NEK4: variants seen among roughly 807,000 people sequenced by gnomAD.
NEK4 encodes the protein serine/threonine-protein kinase Nek4.
A neutral mutation model predicts 98.4 loss-of-function variants in NEK4; 86 were observed. The observed-to-expected ratio is 0.87, with a 90% CI of 0.73 to 1.05. The LOEUF (loss-of-function observed/expected upper bound fraction) is 1.05. Among genes scored for constraint, NEK4 ranks in the 50% least tolerant of loss-of-function variants. The probability of loss-of-function intolerance (pLI) is 0.00; values close to 1 mark genes in which losing one functional copy is unlikely to be tolerated. For synonymous variants in NEK4, 328 were observed against 342.2 expected (o/e 0.96, Z 0.46); for missense variants, 898 against 950.3 (o/e 0.94, Z 0.72).
Position 52,766,170 on chromosome 3 carries a change from A to G in NEK4, c.558+8T>C. 6.2e-7 allele frequency: 1 copy of G among 1,613,084 alleles called. No individual in the cohort carries two copies. Among genetic ancestry groups the G allele is most frequent in the South Asian group, 1.1e-5 (1 of 90,978 alleles). On this transcript the variant is annotated splice_region_variant and intron_variant, in intron 3 of 15. Coordinates refer to ENST00000233027, the MANE Select transcript of NEK4 (RefSeq NM_003157.6). The stretch of plus-strand genomic sequence containing the variant: ...CAAGGTAAGCCAGCATACAGAGCCC[A>G]ATCCTACCTTATAGTTGTAGGGTTT...
rs554219709 is a variant in NEK4, at chr3:52,733,608, A to C, written c.2433+3978T>G. On this transcript the variant is annotated intron_variant, in intron 15 of 15. Transcript: ENST00000233027. ...TAGTACAGAGAAGCCTTACAAATGT[A>C]ACAAACGTTGAAAGCATTTAGCAAG... 3.1e-5 allele frequency: 16 copies of C among 508,700 alleles called. No individual in the cohort carries two copies. The East Asian group carries it at 3.9e-4, about 12-fold the overall frequency. 31.5% of individuals were successfully genotyped at this position (508,700 alleles called of 1,614,324 possible). A position where few individuals can be genotyped will look rare whatever the true frequency, so the allele number is the denominator to read the frequency against.
chr3:52,745,920 A>G (rs953145384), intron 10 of NEK4, 141 bp downstream of exon 10: 8 of 732,964 alleles, frequency 1.1e-5, no homozygotes, highest in Admixed American at 2.4e-5. Context: ...ACAAGGTCTC[A>G]CTATATTGCC....
intron 6 of NEK4, among the ~76,000 whole-genome samples, chr3:52,755,129 AAAG>A (rs2097412857): frequency 6.6e-6 from 1 of 151,740 alleles, no homozygotes; most frequent in African/African-American, 2.4e-5. Context: ...AAAAAAAAAA[AAAG>A]AAAGAAAGAA....
chr3:52,769,222 A>T (rs1698693760), intron 1 of NEK4, among the ~76,000 whole-genome samples: 1 of 152,064 alleles, frequency 6.6e-6, no homozygotes. Context: ...ACTCTGTCTC[A>T]AAAAAAATAA....
chr3:52,722,421 C>CT (rs1179500224), intron 15 of NEK4, among the ~76,000 whole-genome samples: 2 of 152,112 alleles, frequency 1.3e-5, no homozygotes, highest in Non-Finnish European at 2.9e-5. Context: ...TGCAAAGTGA[C>CT]TGAGAAGTAA....
chr3:52,766,389 C>T lies in NEK4; in HGVS notation c.361-14G>A, dbSNP rs1559452130. 6.3e-7 allele frequency: 1 copy of T among 1,584,342 alleles called. No homozygotes were observed. Among genetic ancestry groups the T allele is most frequent in the Non-Finnish European group, 8.7e-7 (1 of 1,153,370 alleles). On this transcript the variant is annotated splice_polypyrimidine_tract_variant and intron_variant, in intron 2 of 15. Transcript: ENST00000233027. ...TTCATGTAAATACTGAGGAAAGAAA[C>T]AAGATTTTATTACATATAAATAGAC...
rs1192766549 is a variant in NEK4 at position 52,737,864 on chromosome 3, A to G, written c.2300-145T>C. On this transcript the variant is annotated intron_variant, in intron 14 of 15. Transcript: ENST00000233027. ...AGTCTTGCTCTGTCGCCCAGGCTGG[A>G]GTGCAGTGGCACGATCTCAGCTCAC... The G allele has an allele frequency of 6.9e-6, 4 of 577,114 alleles. No individual in the cohort carries two copies. In the South Asian group the frequency reaches 1.4e-4, roughly 20 times the overall value. The allele number at this position is 577,114 out of a possible 1,614,324, so 35.7% of individuals were successfully genotyped here.
Position 52,710,305 on chromosome 3 carries a change from C to T in NEK4, c.*1472G>A. On this transcript the variant is annotated 3_prime_UTR_variant, in exon 16 of 16. Transcript: ENST00000233027. ...GAGTGAACCTGGGAGGCGGAGCTTG[C>T]AGTGATCTGAGATTGGGCCACTGCA... 1 of 151,296 alleles carries T rather than the reference C, an allele frequency of 6.6e-6. No individual in the cohort carries two copies. Among genetic ancestry groups the T allele is most frequent in the Non-Finnish European group, 1.5e-5 (1 of 67,980 alleles). 9.4% of individuals were successfully genotyped at this position (151,296 alleles called of 1,614,324 possible).
chr3:52,765,546 C>T (rs1195347532), intron 4 of NEK4, among the ~76,000 whole-genome samples: 5 of 152,118 alleles, frequency 3.3e-5, no homozygotes, highest in African/African-American at 9.7e-5. Flanking sequence ...ACAGAGTAAA[C>T]TCATTTTAAA....
At chr3:52,767,627 AG>A (rs1449488950) in intron 2 of NEK4, among the ~76,000 whole-genome samples, 1 of 151,990 alleles carries the variant, frequency 6.6e-6, no homozygotes, top group Non-Finnish European at 1.5e-5. Flanking sequence ...CTGAGGCAGG[AG>A]AATCGCTTGA....
intron 15 of NEK4, among the ~76,000 whole-genome samples, chr3:52,731,482 T>C (rs1479534700): frequency 6.6e-6 from 1 of 152,206 alleles, no homozygotes; most frequent in African/African-American, 2.4e-5. Flanking sequence ...ATCAGCGGAA[T>C]AGAAATGAGA....
chr3:52,752,095 C>T lies in NEK4; in HGVS notation c.1205G>A (p.Ser402Asn), dbSNP rs1187562586. 2 of 1,614,106 alleles carry T rather than the reference C, an allele frequency of 1.2e-6. No homozygotes were observed. Among genetic ancestry groups the T allele is most frequent in the Non-Finnish European group, 8.5e-7 (1 of 1,180,054 alleles). Residue 402 changes from serine to asparagine, a missense_variant, in exon 7 of 16, where the codon AGT (serine) becomes AAT (asparagine). Coordinates refer to ENST00000233027, the MANE Select transcript of NEK4 (RefSeq NM_003157.6). ...CATCTCCTCTTCCACTTGAGAAATA[C>T]TGCATATACCTCCTAACTCATTAGA... ...DASNELGGICSISQVEEEMLQ... is the reference protein window; with the variant it reads ...DASNELGGICNISQVEEEMLQ...
intron 6 of NEK4, chr3:52,753,941 G>T: frequency 3.4e-6 from 1 of 293,390 alleles, no homozygotes; most frequent in Non-Finnish European, 6.6e-6. Context: ...AGTCCGAGGC[G>T]GTGGAGCACT....
chr3:52,720,079 A>G (rs1228939332), intron 15 of NEK4, among the ~76,000 whole-genome samples: 2 of 152,100 alleles, frequency 1.3e-5, no homozygotes, highest in Admixed American at 1.3e-4. Context: ...GGTCAGAAGT[A>G]AAAGACCTGC....
chr3:52,720,250 C>T (rs1291109539), intron 15 of NEK4, among the ~76,000 whole-genome samples: 2 of 152,032 alleles, frequency 1.3e-5, no homozygotes, highest in Non-Finnish European at 2.9e-5. Flanking sequence ...TGCCAAGAAC[C>T]CAGGAGATGG....
At chr3:52,732,563 A>G in intron 15 of NEK4, 3 of 267,988 alleles carry the variant, frequency 1.1e-5, no homozygotes, top group Non-Finnish European at 2.3e-5. Context: ...CGGAAAGAAA[A>G]GGAATCAGGA....
intron 15 of NEK4, among the ~76,000 whole-genome samples, chr3:52,725,756 A>C (rs927680120): frequency 5.3e-5 from 8 of 152,224 alleles, no homozygotes; most frequent in Admixed American, 3.9e-4. Context: ...AAAATTTTTC[A>C]CTACAAAAAA....
intron 14 of NEK4, among the ~76,000 whole-genome samples, 195 bp from the exon 15 acceptor site, chr3:52,737,914 T>C (rs954818234): frequency 7.9e-5 from 12 of 151,922 alleles, no homozygotes; most frequent in Non-Finnish European, 1.6e-4. Flanking sequence ...CCTAGGTTCA[T>C]GCCATTCTCC....
intron 8 of NEK4, among the ~76,000 whole-genome samples, chr3:52,747,898 T>G (rs1398471427): frequency 6.6e-6 from 1 of 151,858 alleles, no homozygotes; most frequent in African/African-American, 2.4e-5. Flanking sequence ...TGAGCTGTGA[T>G]CATGCCACTG....
Sources: allele counts gnomAD v4.1 joint callset (sites outside exome capture counted in the v4.1 genomes callset), GRCh38; gene constraint gnomAD v4.1.1; transcripts MANE v1.5; gene names NCBI Gene and HGNC (gene_info 2026-07-23, HGNC 2026-07-21).